MYO5A: variants seen among roughly 807,000 people sequenced by gnomAD.
MYO5A encodes myosin VA.
In MYO5A, 98 loss-of-function variants were observed where a neutral mutation model predicts 249.7. That is an observed-to-expected ratio of 0.39 (90% CI 0.33 to 0.46). MYO5A has a LOEUF of 0.46. Among genes scored for constraint, MYO5A ranks in the 20% least tolerant of loss-of-function variants. The pLI is 0.98. For synonymous variants in MYO5A, 778 were observed against 810.6 expected (o/e 0.96, Z 0.68); for missense variants, 1,696 against 2,308.8 (o/e 0.73, Z 5.44).
intron 2 of MYO5A, among the ~76,000 whole-genome samples, chr15:52,428,971 T>C (rs1411550374): frequency 1.3e-5 from 2 of 152,232 alleles, no homozygotes; most frequent in Non-Finnish European, 2.9e-5. Context: ...CTGATACTAA[T>C]ACTTACTTTT....
At chr15:52,450,485 A>C (rs910340209) in intron 1 of MYO5A, among the ~76,000 whole-genome samples, 1 of 151,688 alleles carries the variant, frequency 6.6e-6, no homozygotes, top group Non-Finnish European at 1.5e-5. Context: ...TGGCCAACAC[A>C]GTGAAACCCT....
intron 1 of MYO5A, among the ~76,000 whole-genome samples, chr15:52,433,688 C>G (rs2075594068): frequency 6.6e-6 from 1 of 152,072 alleles, no homozygotes. Context: ...TCCCAAAGTG[C>G]TGGGATTACA....
At position 52,518,573 on chromosome 15, in the gene MYO5A, A is replaced by T. The variant is rs575392186; in HGVS notation, c.27+10207T>A. 5.3e-5 allele frequency among the ~76,000 whole-genome samples: 8 copies of T among 152,296 alleles called. No homozygotes were observed. In the South Asian group the frequency reaches 1.7e-3, roughly 32 times the overall value. On this transcript the variant is annotated intron_variant, in intron 1 of 41. Coordinates refer to ENST00000399233, the MANE Select transcript of MYO5A (RefSeq NM_001382347.1). ...ACCATGCTGCTTATCAAACTAGAAG[A>T]TTTTTTTCTAAGCTTAAGCATAGAG...
intron 1 of MYO5A, chr15:52,505,601 C>G: frequency 7.0e-7 from 1 of 1,426,314 alleles, no homozygotes; most frequent in Non-Finnish European, 9.9e-7. Context: ...GCACTTGTTT[C>G]CAAGTCTTCC....
intron 25 of MYO5A, among the ~76,000 whole-genome samples, chr15:52,356,735 A>C (rs1161886616): frequency 1.4e-5 from 2 of 145,220 alleles, no homozygotes; most frequent in African/African-American, 2.8e-5. Flanking sequence ...AAAAAAAAAA[A>C]AAATTAGCTC....
chr15:52,480,109 T>C (rs1199931226), intron 1 of MYO5A, among the ~76,000 whole-genome samples: 5 of 152,230 alleles, frequency 3.3e-5, no homozygotes, highest in Admixed American at 2.6e-4. Context: ...TATACAATTT[T>C]TGTCAATTAT....
intron 25 of MYO5A, 28 bp downstream of exon 25, chr15:52,359,940 C>G (rs1017612529): frequency 6.6e-7 from 1 of 1,505,396 alleles, no homozygotes; most frequent in Non-Finnish European, 9.2e-7. Context: ...TCATATCCTA[C>G]TTTCAGTGAC....
At chr15:52,511,860 G>C (rs1451079530) in intron 1 of MYO5A, among the ~76,000 whole-genome samples, 1 of 152,132 alleles carries the variant, frequency 6.6e-6, no homozygotes, top group Non-Finnish European at 1.5e-5. Context: ...GATCTAACTA[G>C]ATTAATCTTA....
chr15:52,381,788 A>T (rs1432329416), intron 16 of MYO5A, among the ~76,000 whole-genome samples: 5 of 151,670 alleles, frequency 3.3e-5, no homozygotes, highest in South Asian at 2.1e-4. Context: ...TCTCTCACAC[A>T]CACACACACA....
In MYO5A at chr15:52,388,264, C is replaced by T. The variant is rs147203601; in HGVS notation, c.1669-352G>A. Among the ~76,000 whole-genome samples, 335 of 152,260 alleles carry T rather than the reference C, an allele frequency of 2.2e-3. 2 individuals are homozygous for T. The highest frequency in any genetic ancestry group is 7.8e-3 in the African/African-American group (322 of 41,540). On this transcript the variant is annotated intron_variant, in intron 13 of 41. Transcript: ENST00000399233. ...CCTTCCAACCTAGGTTACCATCAAG[C>T]AGTTGTGTTTCCTCTTAGAAGAGAT...
Position 52,319,154 on chromosome 15 carries a change from C to T in MYO5A, c.5140G>A (p.Val1714Ile), listed in dbSNP as rs143298463. Residue 1714 changes from valine to isoleucine, a missense_variant, in exon 39 of 42, where the codon GTC becomes ATC. By Grantham distance (29) the Val-to-Ile change is conservative (BLOSUM62 3). Around this residue, in one of 5 missense-constraint regions of MYO5A, gnomAD observed 625 missense variants for 908.1 expected, o/e 0.69. Transcript: ENST00000399233. ...GMDPELIKQV[V>I]KQMFYIIGAI... Reference sequence around the variant, plus strand: ...CCTATGATGTAGAACATCTGCTTGACCACCTGCTTGATCAGTTCAGGGTCC... The same window carrying T: ...CCTATGATGTAGAACATCTGCTTGATCACCTGCTTGATCAGTTCAGGGTCC... 4.1e-3 allele frequency: 6,546 copies of T among 1,614,196 alleles called. 22 individuals carry two copies. The highest frequency in any genetic ancestry group is 4.8e-3 in the Non-Finnish European group (5,682 of 1,180,022).
intron 2 of MYO5A, among the ~76,000 whole-genome samples, chr15:52,429,146 C>T (rs2141292282): frequency 6.6e-6 from 1 of 152,270 alleles, no homozygotes; most frequent in African/African-American, 2.4e-5. Flanking sequence ...CGTGCAACAA[C>T]TCTGTGTGTA....
intron 31 of MYO5A, among the ~76,000 whole-genome samples, chr15:52,341,297 A>T (rs556474985): frequency 1.3e-5 from 2 of 152,364 alleles, no homozygotes; most frequent in South Asian, 4.1e-4. Context: ...TATATATTTT[A>T]GATCTGTCAT....
chr15:52,363,230 A>G (rs1348075091), intron 24 of MYO5A, among the ~76,000 whole-genome samples: 1 of 152,250 alleles, frequency 6.6e-6, no homozygotes, highest in Non-Finnish European at 1.5e-5. Context: ...AAAAGAAGAA[A>G]AGGATTCAAG....
chr15:52,433,252 C>T lies in MYO5A; in HGVS notation c.61G>A (p.Val21Ile). ...ARVWIPDPEE[V>I]WKSAELLKDY... Reference sequence around the variant, plus strand: ...TTGAGCAGCTCTGCTGACTTCCAGACTTCCTCTGGATCAGGTATCCAAACC... The same window carrying T: ...TTGAGCAGCTCTGCTGACTTCCAGATTTCCTCTGGATCAGGTATCCAAACC... Residue 21 changes from valine (V) to isoleucine (I), a missense_variant, in exon 2 of 42, where the codon GTC becomes ATC. By Grantham distance (29) the Val-to-Ile change is conservative. Coordinates refer to ENST00000399233, the MANE Select transcript of MYO5A (RefSeq NM_001382347.1). 6.2e-7 allele frequency: 1 copy of T among 1,613,576 alleles called. No individual in the cohort carries two copies.
At chr15:52,419,831 C>T (rs866098464) in intron 4 of MYO5A, among the ~76,000 whole-genome samples, 28 of 152,310 alleles carry the variant, frequency 1.8e-4, no homozygotes, top group African/African-American at 6.5e-4. Context: ...TTGTTTATAA[C>T]TTTTACATAC....
intron 35 of MYO5A, chr15:52,329,151 ATTTGCTGAATTGATAAATCTGTTAATTC>A (rs2038749894): frequency 3.9e-5 from 6 of 152,234 alleles, no homozygotes; most frequent in East Asian, 1.9e-4. Context: ...TTCATTAAAC[ATTTGCTGAATTGATAAATCTGTTAATTC>A]TTTGCTGAAT....
chr15:52,340,356 T>C lies in MYO5A; in HGVS notation c.4079A>G (p.His1360Arg), dbSNP rs1161916927. The change falls in exon 32 of 42, where the codon CAT (histidine) becomes CGT (arginine). Residue 1360 changes from histidine (H) to arginine (R), a missense_variant. By Grantham distance (29) the His-to-Arg change is conservative (BLOSUM62 0). Transcript: ENST00000399233. ...ESQLQSQKRS[H>R]ENEAEALRGE... ...ACGGAGGGCCTCGGCCTCATTCTCA[T>C]GGCTCCTCTTCTGTGACTGCAGCTG... The C allele has an allele frequency of 2.0e-5, 32 of 1,613,586 alleles. No homozygotes were observed. Among genetic ancestry groups the C allele is most frequent in the Non-Finnish European group, 2.7e-5 (32 of 1,180,034 alleles).
At chr15:52,445,449 T>C (rs182159035) in intron 1 of MYO5A, among the ~76,000 whole-genome samples, 13 of 152,258 alleles carry the variant, frequency 8.5e-5, no homozygotes, top group Non-Finnish European at 1.8e-4. Flanking sequence ...TCTTTCTTTA[T>C]AGCAATGCAA....
Sources: gnomAD v4.1 joint callset for allele counts (sites outside exome capture counted in the v4.1 genomes callset) on GRCh38, gnomAD v4.1.1 for gene constraint, gnomAD v4.1.1 regional missense constraint, MANE v1.5 for transcripts, NCBI Gene and HGNC (gene_info 2026-07-23, HGNC 2026-07-21) for gene names.